SPSB4: variants seen among roughly 807,000 people sequenced by gnomAD.
SPSB4 encodes splA/ryanodine receptor domain and SOCS box containing 4.
Under a neutral mutation model 20.9 loss-of-function variants are expected in SPSB4, and 21 were observed. That is an observed-to-expected ratio of 1.01 (90% CI 0.71 to 1.45). The LOEUF (loss-of-function observed/expected upper bound fraction) is 1.45, where lower values mean the gene tolerates loss of function less well. Ranked by LOEUF, SPSB4 falls within the 40% of genes most tolerant of loss-of-function variation. The probability of loss-of-function intolerance (pLI) is 0.00; values close to 1 mark genes in which losing one functional copy is unlikely to be tolerated. For missense variants in SPSB4, 399 were observed against 399.2 expected, an observed-to-expected ratio of 1.00 and a Z score of 0.00; for synonymous variants, 207 against 183.8, an observed-to-expected ratio of 1.13 and a Z score of -1.02.
Position 141,147,620 on chromosome 3 carries a change from G to C in SPSB4, c.*351G>C. 1 of 206,710 alleles carries C rather than the reference G, an allele frequency of 4.8e-6. No homozygotes were observed. The highest frequency in any genetic ancestry group is 9.9e-6 in the Non-Finnish European group (1 of 101,210). 12.8% of individuals were successfully genotyped at this position (206,710 alleles called of 1,614,324 possible). On this transcript the variant is annotated 3_prime_UTR_variant, in exon 3 of 3. Transcript: ENST00000310546. Reference sequence around the variant, plus strand: ...TTCAAGAGAATGAATAAAACATTTAGGCAGGAGACTTTCTATTGTGTGCCC... The same window carrying C: ...TTCAAGAGAATGAATAAAACATTTACGCAGGAGACTTTCTATTGTGTGCCC...
At chr3:141,069,365 T>C (rs1292519378) in intron 2 of SPSB4, among the ~76,000 whole-genome samples, 3 of 152,312 alleles carry the variant, frequency 2.0e-5, no homozygotes, top group South Asian at 2.1e-4. Flanking sequence ...AAGTCCACCA[T>C]GAATCCCTGG....
At chr3:141,117,684 T>C (rs903664231) in intron 2 of SPSB4, among the ~76,000 whole-genome samples, 36 of 152,196 alleles carry the variant, frequency 2.4e-4, no homozygotes, top group Admixed American at 1.4e-3. Context: ...CCCTGGTGTG[T>C]GATGTTCCCT....
intron 2 of SPSB4, among the ~76,000 whole-genome samples, chr3:141,089,365 C>T (rs970124570): frequency 4.6e-5 from 7 of 152,176 alleles, no homozygotes; most frequent in Admixed American, 3.9e-4. Flanking sequence ...ACCCCAGGTG[C>T]CCACAGACCT....
chr3:141,069,756 A>G (rs1460874829), intron 2 of SPSB4, among the ~76,000 whole-genome samples: 1 of 152,216 alleles, frequency 6.6e-6, no homozygotes, highest in African/African-American at 2.4e-5. Flanking sequence ...GCAGACACAT[A>G]GCAATTGGTG....
At chr3:141,071,393 G>A (rs555964372) in intron 2 of SPSB4, among the ~76,000 whole-genome samples, 1 of 152,278 alleles carries the variant, frequency 6.6e-6, no homozygotes, top group African/African-American at 2.4e-5. Flanking sequence ...AGGCCTTGGG[G>A]TCCCTGGCAG....
At chr3:141,134,062 T>C (rs539019023) in intron 2 of SPSB4, among the ~76,000 whole-genome samples, 4 of 143,038 alleles carry the variant, frequency 2.8e-5, no homozygotes, top group African/African-American at 5.2e-5. Flanking sequence ...TTTTCTTTTT[T>C]TTTTTTTTTT....
At chr3:141,075,485 G>A (rs140642881) in intron 2 of SPSB4, among the ~76,000 whole-genome samples, 8 of 152,230 alleles carry the variant, frequency 5.3e-5, no homozygotes, top group African/African-American at 1.9e-4. Context: ...CCTGTAAAGT[G>A]GGCATAGTGA....
In SPSB4 at chr3:141,141,078, G is replaced by C. The variant is rs967956855; in HGVS notation, c.695-6064G>C. On this transcript the variant is annotated intron_variant, in intron 2 of 2. Coordinates refer to ENST00000310546, the MANE Select transcript of SPSB4 (RefSeq NM_080862.3). ...GCTGCCGCCTTGCAGTTTGATCTCAGACTGCTGTGCTAGCAATGAGTGAGG... is the reference window on the plus strand; with the variant it reads ...GCTGCCGCCTTGCAGTTTGATCTCACACTGCTGTGCTAGCAATGAGTGAGG... 7.8e-4 allele frequency among the ~76,000 whole-genome samples: 119 copies of C among 152,352 alleles called. 1 individual carries two copies. The highest frequency in any genetic ancestry group is 2.8e-3 in the African/African-American group (115 of 41,584).
chr3:141,123,341 C>T (rs1053017903), intron 2 of SPSB4, among the ~76,000 whole-genome samples: 1 of 152,256 alleles, frequency 6.6e-6, no homozygotes, highest in African/African-American at 2.4e-5. Context: ...TGCACCCTTG[C>T]TGAAAGGCAA....
chr3:141,068,068 T>C (rs538641026), intron 2 of SPSB4, among the ~76,000 whole-genome samples: 1 of 152,254 alleles, frequency 6.6e-6, no homozygotes, highest in East Asian at 1.9e-4. Flanking sequence ...GTAACACTTC[T>C]CCAGAAAAGA....
At chr3:141,138,098 C>G (rs1256014478) in intron 2 of SPSB4, among the ~76,000 whole-genome samples, 1 of 152,218 alleles carries the variant, frequency 6.6e-6, no homozygotes, top group African/African-American at 2.4e-5. Flanking sequence ...TCCGTTTCTT[C>G]TAGATATTCT....
rs2107779546 is a variant in SPSB4, at chr3:141,066,757, G to A, written c.653G>A (p.Gly218Asp). 1 of 1,587,616 alleles carries A rather than the reference G, an allele frequency of 6.3e-7. No individual in the cohort carries two copies. Among genetic ancestry groups the A allele is most frequent in the Non-Finnish European group, 8.6e-7 (1 of 1,165,544 alleles). The change falls in exon 2 of 3, where the codon GGC becomes GAC. Residue 218 changes from glycine (G) to aspartate (D), a missense_variant. Transcript: ENST00000310546. ...TACCCGGTGGTGAGTGCCGTGTGGGGCCACTGTGAAGTCACCATGCGCTAC... is the reference window on the plus strand; with the variant it reads ...TACCCGGTGGTGAGTGCCGTGTGGGACCACTGTGAAGTCACCATGCGCTAC... ...KLYPVVSAVWGHCEVTMRYIN... is the reference protein window; with the variant it reads ...KLYPVVSAVWDHCEVTMRYIN...
rs182651222 is a variant in SPSB4, at chr3:141,140,404, G to T, written c.695-6738G>T. ...AGCTGCGTTCCTTTGGAGGAGAGGC[G>T]CTCTGAGTTTTAGAGTTTCCAGTTT... On this transcript the variant is annotated intron_variant, in intron 2 of 2. Transcript: ENST00000310546. Among the ~76,000 whole-genome samples the T allele has an allele frequency of 8.0e-3, 1,212 of 152,270 alleles. 21 individuals carry two copies. Among genetic ancestry groups the T allele is most frequent in the African/African-American group, 0.027 (1,137 of 41,540 alleles).
At chr3:141,104,075 A>G (rs1352409488) in intron 2 of SPSB4, among the ~76,000 whole-genome samples, 6 of 152,230 alleles carry the variant, frequency 3.9e-5, no homozygotes, top group Admixed American at 6.5e-5. Flanking sequence ...AGTGAAATAA[A>G]TAATACCAGC....
At chr3:141,140,263 T>A (rs1327453238) in intron 2 of SPSB4, among the ~76,000 whole-genome samples, 1 of 152,220 alleles carries the variant, frequency 6.6e-6, no homozygotes, top group African/African-American at 2.4e-5. Context: ...TTTTAACTTC[T>A]TTGCCATTGG....
At chr3:141,096,838 A>G (rs187408780) in intron 2 of SPSB4, among the ~76,000 whole-genome samples, 21 of 152,248 alleles carry the variant, frequency 1.4e-4, no homozygotes, top group African/African-American at 4.6e-4. Context: ...TAAATTCACC[A>G]TATGTCTCAA....
intron 2 of SPSB4, among the ~76,000 whole-genome samples, chr3:141,082,446 G>C (rs1938250754): frequency 6.6e-6 from 1 of 152,154 alleles, no homozygotes; most frequent in Admixed American, 6.5e-5. Context: ...CTTAGGTCTG[G>C]CTTTGGCTTT....
At position 141,110,855 on chromosome 3, in the gene SPSB4, A is replaced by G. The variant is rs558909272; in HGVS notation, c.695-36287A>G. Among the ~76,000 whole-genome samples, 3 of 152,346 alleles carry G rather than the reference A, an allele frequency of 2.0e-5. 1 individual carries two copies. The South Asian group carries it at 6.2e-4, about 32-fold the overall frequency. On this transcript the variant is annotated intron_variant, in intron 2 of 2. Transcript: ENST00000310546. ...GCAAGAGCCAGAATATTTGAGAACAACCACATTGACCTCCACAGAAGCTGA... is the reference window on the plus strand; with the variant it reads ...GCAAGAGCCAGAATATTTGAGAACAGCCACATTGACCTCCACAGAAGCTGA...
chr3:141,119,759 C>A (rs1269681895), intron 2 of SPSB4, among the ~76,000 whole-genome samples: 1 of 152,036 alleles, frequency 6.6e-6, no homozygotes, highest in East Asian at 1.9e-4. Context: ...GTGGTGATAT[C>A]CCCTTTATCA....
Sources: allele counts gnomAD v4.1 joint callset (sites outside exome capture counted in the v4.1 genomes callset), GRCh38; gene constraint gnomAD v4.1.1; transcripts MANE v1.5; gene names NCBI Gene and HGNC (gene_info 2026-07-23, HGNC 2026-07-21).